The following FGF12 variants were observed in gnomAD, a reference collection of about 807,000 sequenced individuals.
The protein encoded by FGF12 is fibroblast growth factor 12.
FGF12 carries 14 observed loss-of-function variants against 23.6 expected under a neutral mutation model. The observed-to-expected ratio is 0.59, with a 90% CI of 0.39 to 0.93. FGF12 has a LOEUF of 0.93. Ranked by LOEUF, FGF12 falls within the 40% of genes least tolerant of loss-of-function variation. FGF12 has a pLI of 0.00. For synonymous variants in FGF12, 62 were observed against 77.3 expected (o/e 0.80, Z 1.04); for missense variants, 175 against 217.8 (o/e 0.80, Z 1.24).
At chr3:192,722,662 T>C (rs1719075903) in intron 2 of FGF12, among the ~76,000 whole-genome samples, 1 of 152,162 alleles carries the variant, frequency 6.6e-6, no homozygotes, top group African/African-American at 2.4e-5. Flanking sequence ...TCTGGATCCA[T>C]GAAGTTGGCC....
Position 192,496,314 on chromosome 3 carries a change from A to C in FGF12, c.14-135776T>G, listed in dbSNP as rs190594800. 1.7e-3 allele frequency among the ~76,000 whole-genome samples: 257 copies of C among 151,718 alleles called. 1 individual carries two copies. Among genetic ancestry groups the C allele is most frequent in the African/African-American group, 5.4e-3 (225 of 41,354 alleles). ...AGCTTTTCTAAAATATAAATACAGA[A>C]CCTTTCTGATAGAGGAGGTCTGGTG... On this transcript the variant is annotated intron_variant, in intron 2 of 5. Transcript: ENST00000445105.
chr3:192,509,327 A>G (rs1381367284), intron 2 of FGF12, among the ~76,000 whole-genome samples: 1 of 152,120 alleles, frequency 6.6e-6, no homozygotes, highest in Non-Finnish European at 1.5e-5. Flanking sequence ...ACCATAAACT[A>G]CTTCCCTGAT....
chr3:192,199,259 C>T (rs1232803866), intron 4 of FGF12, among the ~76,000 whole-genome samples: 1 of 152,130 alleles, frequency 6.6e-6, no homozygotes, highest in African/African-American at 2.4e-5. Flanking sequence ...AAACAGAATG[C>T]TAACAAAATT....
At chr3:192,146,408 C>A (rs2108579694) in intron 5 of FGF12, among the ~76,000 whole-genome samples, 1 of 151,834 alleles carries the variant, frequency 6.6e-6, no homozygotes, top group Middle Eastern at 3.4e-3. Flanking sequence ...GTAGCTGGGA[C>A]TATAGGCACC....
chr3:192,429,343 G>C (rs934826482), intron 2 of FGF12, among the ~76,000 whole-genome samples: 1 of 152,114 alleles, frequency 6.6e-6, no homozygotes, highest in Non-Finnish European at 1.5e-5. Context: ...GGAGGAGCTT[G>C]TCCTCTATAC....
intron 4 of FGF12, among the ~76,000 whole-genome samples, chr3:192,183,476 C>T (rs1716291889): frequency 6.6e-6 from 1 of 152,192 alleles, no homozygotes; most frequent in Middle Eastern, 3.4e-3. Flanking sequence ...ATGGTGTGTC[C>T]TCAGAATGAG....
chr3:192,204,617 G>A (rs771883776), intron 4 of FGF12, among the ~76,000 whole-genome samples: 4 of 152,164 alleles, frequency 2.6e-5, no homozygotes, highest in Non-Finnish European at 5.9e-5. Context: ...CAGGAGTGGT[G>A]GCTCAGGTTT....
chr3:192,605,028 A>T (rs1410654497), intron 2 of FGF12, among the ~76,000 whole-genome samples: 2 of 152,084 alleles, frequency 1.3e-5, no homozygotes, highest in Middle Eastern at 3.2e-3. Context: ...GTCTTTCATG[A>T]TATACAAAAA....
At chr3:192,706,412 G>A (rs890627295) in intron 2 of FGF12, among the ~76,000 whole-genome samples, 6 of 152,068 alleles carry the variant, frequency 3.9e-5, no homozygotes, top group African/African-American at 7.2e-5. Flanking sequence ...ACTTTGCCAA[G>A]GTCACGTTAA....
chr3:192,561,515 A>T (rs1712025091), intron 2 of FGF12, among the ~76,000 whole-genome samples: 1 of 152,120 alleles, frequency 6.6e-6, no homozygotes, highest in Non-Finnish European at 1.5e-5. Flanking sequence ...GGCACCCGCC[A>T]CCACGCCCAG....
At chr3:192,606,297 G>A (rs577223308) in intron 2 of FGF12, among the ~76,000 whole-genome samples, 29 of 152,172 alleles carry the variant, frequency 1.9e-4, no homozygotes, top group Middle Eastern at 3.4e-3. Context: ...GCATGTTCTC[G>A]CTTACAAATG....
At chr3:192,368,813 A>C (rs1719099766) in intron 2 of FGF12, among the ~76,000 whole-genome samples, 1 of 152,148 alleles carries the variant, frequency 6.6e-6, no homozygotes, top group South Asian at 2.1e-4. Flanking sequence ...AAAGACTGAA[A>C]TCTTTACTAA....
At chr3:192,672,353 C>CT (rs888950644) in intron 2 of FGF12, among the ~76,000 whole-genome samples, 11 of 149,942 alleles carry the variant, frequency 7.3e-5, no homozygotes, top group African/African-American at 1.9e-4. Flanking sequence ...TCTGAATGTT[C>CT]TTTTTTTTTA....
At chr3:192,290,906 CA>C (rs1345737439) in intron 4 of FGF12, among the ~76,000 whole-genome samples, 1 of 151,946 alleles carries the variant, frequency 6.6e-6, no homozygotes, top group Non-Finnish European at 1.5e-5. Context: ...AGGACACATA[CA>C]AAAAATATGT....
At chr3:192,411,487 C>T (rs570371604) in intron 2 of FGF12, among the ~76,000 whole-genome samples, 4 of 152,284 alleles carry the variant, frequency 2.6e-5, no homozygotes, top group Non-Finnish European at 4.4e-5. Context: ...GAACAAGACA[C>T]GTGAAAAAGA....
chr3:192,288,097 T>C (rs1354626411), intron 4 of FGF12, among the ~76,000 whole-genome samples: 1 of 152,036 alleles, frequency 6.6e-6, no homozygotes, highest in East Asian at 1.9e-4. Flanking sequence ...GCTTCAGGAT[T>C]TGGGGTGTTC....
intron 2 of FGF12, among the ~76,000 whole-genome samples, chr3:192,430,548 CA>C (rs1384438671): frequency 6.6e-6 from 1 of 152,160 alleles, no homozygotes; most frequent in Non-Finnish European, 1.5e-5. Context: ...TTCTTTGAAA[CA>C]AAATGCCTGC....
At position 192,638,793 on chromosome 3, in the gene FGF12, C is replaced by T. The variant is rs185289558; in HGVS notation, c.13+88388G>A. ...GGAGTATTGGATGGGAAAAATCCCA[C>T]GGATCAGATTCACTAGGCTGTGCAG... On this transcript the variant is annotated intron_variant, in intron 2 of 5. Transcript: ENST00000445105. Among the ~76,000 whole-genome samples the T allele has an allele frequency of 1.2e-3, 176 of 152,276 alleles. 2 individuals are homozygous for T. Among genetic ancestry groups the T allele is most frequent in the African/African-American group, 3.9e-3 (161 of 41,546 alleles).
At chr3:192,335,329 A>G (rs1277608110) in intron 4 of FGF12, 32 bp downstream of exon 4, 2 of 1,413,386 alleles carry the variant, frequency 1.4e-6, no homozygotes, top group South Asian at 1.2e-5. Context: ...GTTCACACAC[A>G]TACACACAAA....
Sources: allele counts gnomAD v4.1 joint callset (sites outside exome capture counted in the v4.1 genomes callset), GRCh38; gene constraint gnomAD v4.1.1; transcripts MANE v1.5; gene names NCBI Gene and HGNC (gene_info 2026-07-23, HGNC 2026-07-21).